The following AOAH variants were observed in gnomAD, a reference collection of about 807,000 sequenced individuals.
AOAH encodes the protein acyloxyacyl hydrolase.
In AOAH, 64 loss-of-function variants were observed where a neutral mutation model predicts 92.2. The ratio of observed to expected loss-of-function variants is 0.69; its 90% CI spans 0.57 to 0.86. The LOEUF (loss-of-function observed/expected upper bound fraction) is 0.86. AOAH is among the 40% of genes least tolerant of loss of function. The pLI is 0.00. For synonymous variants in AOAH, 263 were observed against 254.5 expected (o/e 1.03, Z -0.32); for missense variants, 656 against 694.6 (o/e 0.94, Z 0.62).
In AOAH at chr7:36,614,377, A is replaced by G. The variant is rs1426133458; in HGVS notation, c.846+2003T>C. On this transcript the variant is annotated intron_variant, in intron 11 of 20. Coordinates refer to ENST00000617537, the MANE Select transcript of AOAH (RefSeq NM_001637.4). The surrounding 1 kb of genome is among the most constrained non-coding windows in gnomAD (Gnocchi z 4.2). Reference sequence around the variant, plus strand: ...GGTCCCATGAGGTCCTTCGCTTAGAAAGGGCCCTGCACTGGGTTTAATGCT... The same window carrying G: ...GGTCCCATGAGGTCCTTCGCTTAGAGAGGGCCCTGCACTGGGTTTAATGCT... 6.6e-6 allele frequency among the ~76,000 whole-genome samples: 1 copy of G among 152,170 alleles called. No individual in the cohort carries two copies. Among genetic ancestry groups the G allele is most frequent in the Non-Finnish European group, 1.5e-5 (1 of 68,026 alleles).
chr7:36,606,125 G>A (rs564685868), intron 11 of AOAH, among the ~76,000 whole-genome samples: 24 of 152,346 alleles, frequency 1.6e-4, no homozygotes, highest in Non-Finnish European at 2.6e-4. Flanking sequence ...AACTCAGATA[G>A]AATTCCCATA....
Position 36,620,818 on chromosome 7 carries a change from C to T in AOAH, c.665G>A (p.Trp222Ter). 1 of 1,613,764 alleles carries T rather than the reference C, an allele frequency of 6.2e-7. No individual in the cohort carries two copies. Among genetic ancestry groups the T allele is most frequent in the Non-Finnish European group, 8.5e-7 (1 of 1,179,802 alleles). Reference sequence around the variant, plus strand: ...ACAGTTTGAATCCTGATGGACATCCCAGTTGTTCGGCCTAAGAAAAAAACA... The same window carrying T: ...ACAGTTTGAATCCTGATGGACATCCTAGTTGTTCGGCCTAAGAAAAAAACA... ...SVYPGRRPNNWDVHQDSNCNG... is the reference protein window; with the variant it reads ...SVYPGRRPNN Residue 222 changes from tryptophan to a stop codon, truncating the protein, a stop_gained, in exon 9 of 21, where the codon TGG becomes TAG. Coordinates refer to ENST00000617537, the MANE Select transcript of AOAH (RefSeq NM_001637.4). LOFTEE classifies it high-confidence loss of function.
chr7:36,651,212 T>G (rs939270474), intron 4 of AOAH, among the ~76,000 whole-genome samples: 3 of 152,246 alleles, frequency 2.0e-5, no homozygotes, highest in African/African-American at 7.2e-5. Context: ...TGCTAGAATA[T>G]CCATTTACAT....
At chr7:36,513,501 C>T in intron 20 of AOAH, 121 bp from the exon 21 acceptor site, 1 of 942,876 alleles carries the variant, frequency 1.1e-6, no homozygotes. Context: ...ACTCCCACCC[C>T]CATGTCTCTG....
At chr7:36,533,583 C>T (rs1190684457) in intron 16 of AOAH, among the ~76,000 whole-genome samples, 1 of 152,094 alleles carries the variant, frequency 6.6e-6, no homozygotes, top group Non-Finnish European at 1.5e-5. Context: ...TGGCTTTCGT[C>T]CTTGCTTTTA....
chr7:36,541,242 A>G lies in AOAH; in HGVS notation c.1134-751T>C, dbSNP rs1042752642. 2.6e-5 allele frequency among the ~76,000 whole-genome samples: 4 copies of G among 152,218 alleles called. No homozygotes were observed. The East Asian group carries it at 5.8e-4, about 22-fold the overall frequency. On this transcript the variant is annotated intron_variant, in intron 15 of 20. Coordinates refer to ENST00000617537, the MANE Select transcript of AOAH (RefSeq NM_001637.4). ...GCATTTCACAACAATTCCAGCCCGC[A>G]TTATTGTCTTTATATAGTAGTGCTT...
At chr7:36,579,403 G>T (rs530843423) in intron 12 of AOAH, among the ~76,000 whole-genome samples, 1 of 150,460 alleles carries the variant, frequency 6.6e-6, no homozygotes, top group Non-Finnish European at 1.5e-5. Flanking sequence ...ATAATAAAAC[G>T]ACTATTGTTT....
intron 19 of AOAH, among the ~76,000 whole-genome samples, chr7:36,529,231 TAAAA>T (rs61477972): frequency 6.9e-6 from 1 of 145,178 alleles, no homozygotes; most frequent in Non-Finnish European, 1.5e-5. Context: ...CTCTGGAAAG[TAAAA>T]AAAAAAAGTC....
At chr7:36,669,487 A>T (rs1197234312) in intron 3 of AOAH, among the ~76,000 whole-genome samples, 1 of 146,388 alleles carries the variant, frequency 6.8e-6, no homozygotes. Flanking sequence ...GGTTCAAGTG[A>T]TTCTTCTGCC....
chr7:36,599,052 G>A (rs1583908692), intron 11 of AOAH, among the ~76,000 whole-genome samples: 3 of 152,120 alleles, frequency 2.0e-5, no homozygotes, highest in Non-Finnish European at 2.9e-5. Flanking sequence ...GATCACTACC[G>A]CATTGCTTCA....
chr7:36,710,752 A>G (rs888826251), intron 1 of AOAH, among the ~76,000 whole-genome samples: 2 of 152,242 alleles, frequency 1.3e-5, no homozygotes, highest in Non-Finnish European at 2.9e-5. Flanking sequence ...ACAGGTTGCC[A>G]TGAAATTATT....
chr7:36,621,856 T>G (rs1157930837), intron 7 of AOAH, 76 bp from the exon 8 acceptor site: 16 of 1,311,708 alleles, frequency 1.2e-5, no homozygotes, highest in Non-Finnish European at 1.8e-5. Context: ...ATCAGAGTTG[T>G]CTGAATGGCA....
intron 1 of AOAH, among the ~76,000 whole-genome samples, chr7:36,698,156 A>C (rs1797829796): frequency 6.6e-6 from 1 of 152,010 alleles, no homozygotes; most frequent in Non-Finnish European, 1.5e-5. Flanking sequence ...TTTTTTCTTA[A>C]ATCATGTCTC....
At chr7:36,643,292 C>A (rs1323177835) in intron 4 of AOAH, among the ~76,000 whole-genome samples, 5 of 152,278 alleles carry the variant, frequency 3.3e-5, no homozygotes, top group Non-Finnish European at 5.9e-5. Context: ...GACTCTAGTG[C>A]CTTTCCCACC....
intron 5 of AOAH, among the ~76,000 whole-genome samples, chr7:36,637,109 A>G (rs1793578076): frequency 6.6e-6 from 1 of 152,240 alleles, no homozygotes; most frequent in African/African-American, 2.4e-5. Flanking sequence ...GCCTAAGTCA[A>G]ATACGTAAGC....
chr7:36,683,486 G>T (rs1429456631), intron 2 of AOAH, among the ~76,000 whole-genome samples: 1 of 152,060 alleles, frequency 6.6e-6, no homozygotes, highest in Non-Finnish European at 1.5e-5. Flanking sequence ...AATGGGAAAG[G>T]CATATGCAAA....
At chr7:36,521,400 A>G (rs1172123778) in intron 20 of AOAH, among the ~76,000 whole-genome samples, 1 of 152,202 alleles carries the variant, frequency 6.6e-6, no homozygotes, top group African/African-American at 2.4e-5. Context: ...ATAAAAGTGG[A>G]GCTTCTCTGG....
intron 13 of AOAH, among the ~76,000 whole-genome samples, chr7:36,553,771 A>G (rs533419755): frequency 2.6e-5 from 4 of 152,256 alleles, no homozygotes; most frequent in South Asian, 2.1e-4. Context: ...TTTTGGCTGC[A>G]TAAGTGTCTT....
chr7:36,621,714 T>C lies in AOAH; in HGVS notation c.649A>G (p.Arg217Gly), dbSNP rs1792291518. 1.2e-6 allele frequency: 2 copies of C among 1,614,100 alleles called. No individual in the cohort carries two copies. The highest frequency in any genetic ancestry group is 1.7e-5 in the Admixed American group (1 of 60,022). ...GCAACCAGCAGAAATAGTTACCTTC[T>C]ACCTGGGTACACTGACTCGTCGCTG... ...NDSDESVYPG[R>G]RPNNWDVHQD... Residue 217 changes from arginine (R) to glycine (G), a missense_variant, in exon 8 of 21, where the codon AGA becomes GGA. Arg to Gly is a moderately radical substitution (Grantham distance 125). Transcript: ENST00000617537.
Sources: gnomAD v4.1 joint callset for allele counts (sites outside exome capture counted in the v4.1 genomes callset) on GRCh38, gnomAD v4.1.1 for gene constraint, Gnocchi (gnomAD v3.1) non-coding constraint, MANE v1.5 for transcripts, NCBI Gene and HGNC (gene_info 2026-07-23, HGNC 2026-07-21) for gene names.